IFT74: variants seen among roughly 807,000 people sequenced by gnomAD.
IFT74 encodes intraflagellar transport protein 74 homolog.
Under a neutral mutation model 96.7 loss-of-function variants are expected in IFT74, and 92 were observed. The observed-to-expected ratio is 0.95, with a 90% CI of 0.80 to 1.13. IFT74 has a LOEUF of 1.13. Among genes scored for constraint, IFT74 ranks in the 50% most tolerant of loss-of-function variants. The pLI, the probability that IFT74 is intolerant of heterozygous loss-of-function variation, is 0.00. For missense variants in IFT74, 811 were observed against 698.2 expected (o/e 1.16, Z -1.82); for synonymous variants, 223 against 213.2 (o/e 1.05, Z -0.40).
chr9:26,991,260 G>A (rs1827852133), intron 8 of IFT74, among the ~76,000 whole-genome samples: 1 of 152,136 alleles, frequency 6.6e-6, no homozygotes, highest in Admixed American at 6.5e-5. Flanking sequence ...GTTTTGCTCT[G>A]TTGCCCTTGC....
At chr9:26,975,151 G>C (rs7034899) in intron 2 of IFT74, among the ~76,000 whole-genome samples, 3 of 151,988 alleles carry the variant, frequency 2.0e-5, no homozygotes, top group African/African-American at 7.3e-5. Context: ...GCTGCCTGAG[G>C]GGGAGGGTCA....
In IFT74 at chr9:26,978,139, G is replaced by A. The variant is rs1827203877; in HGVS notation, c.132G>A (p.Gly44=). 1 of 1,595,602 alleles carries A rather than the reference G, an allele frequency of 6.3e-7. No homozygotes were observed. The highest frequency in any genetic ancestry group is 1.4e-5 in the African/African-American group (1 of 73,790). ...TGTTTGTCATTTAGATGCCACCTGG[G>A]ACAGCAAGACCAGGTTCTCGTGGTT... ...NIRVATAMPP[G]TARPGSRGCP... The change falls in exon 3 of 20, where the codon GGG becomes GGA. Residue 44 remains glycine (G), a synonymous_variant. Coordinates refer to ENST00000380062, the MANE Select transcript of IFT74 (RefSeq NM_025103.4).
chr9:27,011,367 C>T (rs565772191), intron 9 of IFT74, among the ~76,000 whole-genome samples: 1 of 152,048 alleles, frequency 6.6e-6, no homozygotes, highest in African/African-American at 2.4e-5. Flanking sequence ...AGGAGTGAAC[C>T]ATATTTATAT....
intron 4 of IFT74, among the ~76,000 whole-genome samples, chr9:26,983,050 T>G (rs1827457819): frequency 6.6e-6 from 1 of 152,168 alleles, no homozygotes; most frequent in Non-Finnish European, 1.5e-5. Context: ...TTCTTTCTCT[T>G]TTATTTCGCT....
intron 1 of IFT74, among the ~76,000 whole-genome samples, chr9:26,959,886 G>A (rs1826279208): frequency 6.6e-6 from 1 of 152,190 alleles, no homozygotes; most frequent in Non-Finnish European, 1.5e-5. Context: ...CAGTACCCCA[G>A]TCTGTACAGT....
chr9:26,954,316 G>T (rs181847518), upstream of IFT74, among the ~76,000 whole-genome samples: 2 of 152,180 alleles, frequency 1.3e-5, no homozygotes, highest in Non-Finnish European at 2.9e-5. Flanking sequence ...ATATCGTCTT[G>T]AACTTCCCAC....
chr9:27,056,449 C>T lies in IFT74; in HGVS notation c.1613C>T (p.Thr538Ile), dbSNP rs1370685607. 5 of 1,593,706 alleles carry T rather than the reference C, an allele frequency of 3.1e-6. No homozygotes were observed. Among genetic ancestry groups the T allele is most frequent in the Non-Finnish European group, 4.3e-6 (5 of 1,172,082 alleles). The change falls in exon 18 of 20, where the codon ACA (threonine) becomes ATA (isoleucine). Residue 538 changes from threonine (T) to isoleucine (I), a missense_variant. By Grantham distance (89) the Thr-to-Ile change is moderately conservative. Transcript: ENST00000380062. Reference protein sequence around the residue: ...ALKTQLQENETHSQLTNLERK... With the variant: ...ALKTQLQENEIHSQLTNLERK... ...AAAACACAATTGCAAGAAAATGAGACACATTCTCAGGTAAAAAATGTTTTA... is the reference window on the plus strand; with the variant it reads ...AAAACACAATTGCAAGAAAATGAGATACATTCTCAGGTAAAAAATGTTTTA...
chr9:27,021,196 C>T (rs963189661), intron 12 of IFT74, among the ~76,000 whole-genome samples: 11 of 152,066 alleles, frequency 7.2e-5, no homozygotes, highest in Admixed American at 2.0e-4. Flanking sequence ...TATACGCACA[C>T]ACACATACAT....
At chr9:26,993,721 C>T (rs1036110306) in intron 8 of IFT74, 1 of 152,100 alleles carries the variant, frequency 6.6e-6, no homozygotes, top group Non-Finnish European at 1.5e-5. Flanking sequence ...CCATACACAA[C>T]ATACACAGAA....
chr9:27,035,056 G>A (rs943817631), intron 13 of IFT74, among the ~76,000 whole-genome samples: 1 of 152,112 alleles, frequency 6.6e-6, no homozygotes, highest in Non-Finnish European at 1.5e-5. Flanking sequence ...ATGTTGGCTG[G>A]AAGCCTTACC....
At chr9:27,061,891 T>A (rs1820441916) in intron 19 of IFT74, among the ~76,000 whole-genome samples, 1 of 152,138 alleles carries the variant, frequency 6.6e-6, no homozygotes. Context: ...TACTTTTAGT[T>A]TGATTACAGG....
At chr9:26,956,625 T>C (rs972784451) in intron 1 of IFT74, 109 bp downstream of exon 1, 12 of 152,378 alleles carry the variant, frequency 7.9e-5, no homozygotes, top group African/African-American at 2.7e-4. Context: ...CGGTCTTAGC[T>C]AACTGTTACC....
At chr9:26,977,390 T>C in intron 2 of IFT74, among the ~76,000 whole-genome samples, 1 of 152,200 alleles carries the variant, frequency 6.6e-6, no homozygotes, top group East Asian at 1.9e-4. Flanking sequence ...TTCAGGCCAG[T>C]AGTTCAAGAC....
chr9:27,036,872 G>T (rs1350036405), intron 13 of IFT74: 3 of 996,760 alleles, frequency 3.0e-6, no homozygotes, highest in Non-Finnish European at 3.6e-6. Context: ...GGAAGTTTTA[G>T]TGCTGCCCCT....
In IFT74 at chr9:27,007,765, C is replaced by T. The variant is rs908779290; in HGVS notation, c.588-1255C>T. Among the ~76,000 whole-genome samples, 11 of 151,904 alleles carry T rather than the reference C, an allele frequency of 7.2e-5. No individual in the cohort carries two copies. The East Asian group carries it at 7.7e-4, about 11-fold the overall frequency. On this transcript the variant is annotated intron_variant, in intron 8 of 19. Coordinates refer to ENST00000380062, the MANE Select transcript of IFT74 (RefSeq NM_025103.4). ...AACTATAGAAGTTGGTATCTATGAG[C>T]GAAAGAGAGTAAATAGTGATAGGTT...
intron 13 of IFT74, chr9:27,036,653 T>C: frequency 7.2e-7 from 1 of 1,398,284 alleles, no homozygotes; most frequent in Non-Finnish European, 9.3e-7. Flanking sequence ...TTTTATTCAT[T>C]GGCTACTTGT....
intron 18 of IFT74, among the ~76,000 whole-genome samples, chr9:27,058,223 G>T (rs1820259805): frequency 1.3e-5 from 2 of 151,862 alleles, no homozygotes; most frequent in Non-Finnish European, 2.9e-5. Flanking sequence ...GAGTAGCTAG[G>T]ACTACAGGCA....
intron 13 of IFT74, among the ~76,000 whole-genome samples, chr9:27,030,731 A>G (rs1830081624): frequency 6.6e-6 from 1 of 152,162 alleles, no homozygotes; most frequent in South Asian, 2.1e-4. Flanking sequence ...GCTACTTTCC[A>G]AAAAGCCTGA....
chr9:27,016,316 G>A (rs955141098), intron 10 of IFT74, among the ~76,000 whole-genome samples: 1 of 152,090 alleles, frequency 6.6e-6, no homozygotes, highest in Non-Finnish European at 1.5e-5. Flanking sequence ...TGTTGTGTCT[G>A]TACTCTTCTT....
Sources: gnomAD v4.1 joint callset for allele counts (sites outside exome capture counted in the v4.1 genomes callset) on GRCh38, gnomAD v4.1.1 for gene constraint, MANE v1.5 for transcripts, NCBI Gene and HGNC (gene_info 2026-07-23, HGNC 2026-07-21) for gene names.